Variants in ISY1 observed in about 807,000 individuals in gnomAD.
ISY1 encodes ISY1 spliceosome associated protein.
ISY1 carries 12 observed loss-of-function variants against 54.4 expected under a neutral mutation model. The ratio of observed to expected loss-of-function variants is 0.22; its 90% CI spans 0.14 to 0.36. ISY1 has a LOEUF of 0.36. ISY1 is among the 10% of genes least tolerant of loss of function. ISY1 has a pLI of 1.00. For synonymous variants in ISY1, 96 were observed against 117.9 expected, an observed-to-expected ratio of 0.81 and a Z score of 1.20; for missense variants, 282 against 342.2, an observed-to-expected ratio of 0.82 and a Z score of 1.39.
At chr3:129,149,983 A>C (rs542741014) in intron 5 of ISY1, among the ~76,000 whole-genome samples, 130 of 151,200 alleles carry the variant, frequency 8.6e-4, no homozygotes, top group African/African-American at 3.1e-3. Context: ...CAAAAAAAAA[A>C]AAAAAAAAGA....
At chr3:129,140,944 C>G (rs560071484) in intron 6 of ISY1, among the ~76,000 whole-genome samples, 1 of 152,014 alleles carries the variant, frequency 6.6e-6, no homozygotes, top group Admixed American at 6.5e-5. Context: ...GTGGCTCACA[C>G]CTGTAATCCT....
chr3:129,135,983 C>T (rs946570415), intron 7 of ISY1, among the ~76,000 whole-genome samples: 2 of 151,628 alleles, frequency 1.3e-5, no homozygotes, highest in Non-Finnish European at 2.9e-5. Context: ...AATGAAAAAG[C>T]ATGACAGGAA....
chr3:129,141,127 C>G (rs1936592893), intron 6 of ISY1, among the ~76,000 whole-genome samples: 1 of 151,062 alleles, frequency 6.6e-6, no homozygotes, highest in Non-Finnish European at 1.5e-5. Context: ...ATTGCTTGAA[C>G]CTGGGAGGTG....
rs763985233 is a variant in ISY1 at position 129,134,932 on chromosome 3, T to C, written c.441A>G (p.Thr147=). ...CGATTGCCTTCATGAGCTCAGCACGTGTCTTTCTGGGAGGAGGAAGAGCTA... is the reference window on the plus strand; with the variant it reads ...CGATTGCCTTCATGAGCTCAGCACGCGTCTTTCTGGGAGGAGGAAGAGCTA... The part of the protein sequence containing the change: ...EKEPLPPPRK[T]RAELMKAIDF... Residue 147 remains threonine, a synonymous_variant, in exon 8 of 11, where the codon ACA becomes ACG. Coordinates refer to ENST00000393295, the MANE Select transcript of ISY1 (RefSeq NM_020701.4). 1 of 1,609,410 alleles carries C rather than the reference T, an allele frequency of 6.2e-7. No homozygotes were observed. Among genetic ancestry groups the C allele is most frequent in the East Asian group, 2.2e-5 (1 of 44,704 alleles).
At chr3:129,158,661 T>C (rs1382115454) in intron 2 of ISY1, 102 bp from the exon 3 acceptor site, 1 of 1,442,096 alleles carries the variant, frequency 6.9e-7, no homozygotes, top group Non-Finnish European at 9.6e-7. Flanking sequence ...ATGACCATAT[T>C]TAATGTCATT....
chr3:129,130,755 T>C (rs907144553), intron 9 of ISY1, 119 bp from the exon 10 acceptor site: 17 of 1,109,658 alleles, frequency 1.5e-5, no homozygotes, highest in Middle Eastern at 2.1e-4. Flanking sequence ...GAAAGTTCTA[T>C]ACTTATAGAA....
At chr3:129,155,726 T>TC (rs1937114986) in intron 5 of ISY1, among the ~76,000 whole-genome samples, 1 of 149,180 alleles carries the variant, frequency 6.7e-6, no homozygotes, top group African/African-American at 2.5e-5. Flanking sequence ...TAATTTCAAT[T>TC]TTTTTTTTTT....
chr3:129,149,604 AAAAAAAATATATATAT>A (rs1347030293), intron 5 of ISY1, among the ~76,000 whole-genome samples: 1 of 87,772 alleles, frequency 1.1e-5, no homozygotes, highest in African/African-American at 5.5e-5. Context: ...AAAAAAAAAA[AAAAAAAATATATATAT>A]ATATATATAT....
chr3:129,131,044 T>A (rs184313398), intron 9 of ISY1, among the ~76,000 whole-genome samples: 2 of 152,312 alleles, frequency 1.3e-5, no homozygotes, highest in East Asian at 3.9e-4. Flanking sequence ...TATGAGTCAA[T>A]ACAAATTTCT....
chr3:129,141,365 A>G (rs1321414055), intron 6 of ISY1, among the ~76,000 whole-genome samples: 1 of 152,076 alleles, frequency 6.6e-6, no homozygotes, highest in Non-Finnish European at 1.5e-5. Flanking sequence ...TGTCTCTACA[A>G]AAAAATGCAA....
intron 5 of ISY1, among the ~76,000 whole-genome samples, chr3:129,149,638 C>T (rs555781660): frequency 0.037 from 2,779 of 74,588 alleles, 120 homozygotes; most frequent in East Asian, 0.13. Flanking sequence ...TATATATATA[C>T]ACAAAAAAAA....
chr3:129,132,968 T>C (rs761459647), intron 9 of ISY1, among the ~76,000 whole-genome samples: 2 of 152,214 alleles, frequency 1.3e-5, no homozygotes, highest in Non-Finnish European at 2.9e-5. Flanking sequence ...GCTCCTCATG[T>C]GGAACCTGAG....
intron 6 of ISY1, among the ~76,000 whole-genome samples, chr3:129,141,234 A>AAATAAATAAAT (rs1560017079): frequency 2.2e-5 from 3 of 136,882 alleles, no homozygotes; most frequent in African/African-American, 9.8e-5. Context: ...AATAAATAAA[A>AAATAAATAAAT]AACACTTATG....
In ISY1 at chr3:129,129,631, C is replaced by A. The variant is rs1936183269; in HGVS notation, c.*450G>T. On this transcript the variant is annotated 3_prime_UTR_variant, in exon 11 of 11. Coordinates refer to ENST00000393295, the MANE Select transcript of ISY1 (RefSeq NM_020701.4). ...CCTCGTGACCCGCCCGCCTCGGCCT[C>A]CCAAAGTGCTGGGGTTACAGGCGTG... 1 of 152,428 alleles carries A rather than the reference C, an allele frequency of 6.6e-6. No homozygotes were observed. Among genetic ancestry groups the A allele is most frequent in the Admixed American group, 6.5e-5 (1 of 15,270 alleles). 9.4% of individuals were successfully genotyped at this position (152,428 alleles called of 1,614,324 possible).
At chr3:129,141,418 A>G (rs1017634890) in intron 6 of ISY1, among the ~76,000 whole-genome samples, 2 of 152,050 alleles carry the variant, frequency 1.3e-5, no homozygotes, top group Non-Finnish European at 2.9e-5. Flanking sequence ...GTGCCACTGC[A>G]TTCCAGCCTG....
At chr3:129,160,585 T>C (rs1937277306) in intron 1 of ISY1, among the ~76,000 whole-genome samples, 1 of 152,044 alleles carries the variant, frequency 6.6e-6, no homozygotes, top group South Asian at 2.1e-4. Context: ...AGAACGGACA[T>C]AAATGAAATA....
chr3:129,131,884 C>T (rs1936246147), intron 9 of ISY1, among the ~76,000 whole-genome samples: 1 of 152,164 alleles, frequency 6.6e-6, no homozygotes, highest in Non-Finnish European at 1.5e-5. Context: ...GGCTGGAGTG[C>T]AGTGGTGCAA....
At chr3:129,148,973 T>C (rs1390109959) in intron 5 of ISY1, among the ~76,000 whole-genome samples, 1 of 152,134 alleles carries the variant, frequency 6.6e-6, no homozygotes, top group Non-Finnish European at 1.5e-5. Context: ...GTCATCCCCT[T>C]CTCCATTGAA....
At position 129,140,563 on chromosome 3, in the gene ISY1, G is replaced by A. The variant is rs879235856; in HGVS notation, c.301-78C>T. On this transcript the variant is annotated intron_variant, in intron 6 of 10. Coordinates refer to ENST00000393295, the MANE Select transcript of ISY1 (RefSeq NM_020701.4). ...ATTATTTATTTATTTATTTGAGGCG[G>A]AGTCTCGCTCTGTTGCCCATTTATT... 4.5e-5 allele frequency: 64 copies of A among 1,426,716 alleles called. 3 individuals are homozygous for A. In the South Asian group the frequency reaches 5.0e-4, roughly 11 times the overall value. 88.4% of individuals were successfully genotyped at this position (1,426,716 alleles called of 1,614,324 possible). A position where few individuals can be genotyped will look rare whatever the true frequency, so the allele number is the denominator to read the frequency against.
Sources: allele counts gnomAD v4.1 joint callset (sites outside exome capture counted in the v4.1 genomes callset), GRCh38; gene constraint gnomAD v4.1.1; transcripts MANE v1.5; gene names NCBI Gene and HGNC (gene_info 2026-07-23, HGNC 2026-07-21).